The following VIT variants were observed in gnomAD, a reference collection of about 807,000 sequenced individuals.
The protein encoded by VIT is vitrin.
Under a neutral mutation model 78.0 loss-of-function variants are expected in VIT, and 99 were observed. That is an observed-to-expected ratio of 1.27 (90% CI 1.08 to 1.50). The LOEUF is 1.50. VIT is among the 40% of genes most tolerant of loss of function. The pLI, the probability that VIT is intolerant of heterozygous loss-of-function variation, is 0.00. For missense variants in VIT, 1,126 were observed against 875.3 expected (o/e 1.29, Z -3.61); for synonymous variants, 374 against 334.3 (o/e 1.12, Z -1.29).
intron 1 of VIT, among the ~76,000 whole-genome samples, chr2:36,702,404 G>T (rs1445391183): frequency 8.6e-6 from 1 of 115,962 alleles, no homozygotes; most frequent in East Asian, 2.5e-4. Context: ...AAGCTCAGAG[G>T]ATTTTTTTTT....
At chr2:36,717,382 GTGTGTGTGTGTGTT>G (rs1666228177) in intron 2 of VIT, among the ~76,000 whole-genome samples, 1 of 140,990 alleles carries the variant, frequency 7.1e-6, no homozygotes, top group African/African-American at 2.8e-5. Flanking sequence ...GTGTGTGTGT[GTGTGTGTGTGTGTT>G]TAGTAGAGAT....
chr2:36,807,302 A>G (rs564340682), intron 14 of VIT, among the ~76,000 whole-genome samples: 1 of 152,048 alleles, frequency 6.6e-6, no homozygotes, highest in African/African-American at 2.4e-5. Flanking sequence ...TGCAGTCCCA[A>G]CCTACTCTCC....
intron 13 of VIT, among the ~76,000 whole-genome samples, chr2:36,803,914 T>G (rs545130346): frequency 6.6e-6 from 1 of 152,188 alleles, no homozygotes; most frequent in Non-Finnish European, 1.5e-5. Flanking sequence ...TCAAGTGCCC[T>G]GGGGTTCACA....
Position 36,808,557 on chromosome 2 carries a change from G to C in VIT, c.1475G>C (p.Arg492Pro). Residue 492 changes from arginine to proline, a missense_variant, in exon 15 of 16, where the codon CGG (arginine) becomes CCG (proline). Coordinates refer to ENST00000379242, the MANE Select transcript of VIT (RefSeq NM_053276.4). Reference protein sequence around the residue: ...LHKTLQPLVKRVCDTDRLACS... With the variant: ...LHKTLQPLVKPVCDTDRLACS... The stretch of plus-strand genomic sequence containing the variant: ...AAGACCCTGCAGCCTCTGGTGAAGC[G>C]GGTCTGCGACACTGACCGCCTGGCC... 6.2e-7 allele frequency: 1 copy of C among 1,614,108 alleles called. No individual in the cohort carries two copies. The highest frequency in any genetic ancestry group is 8.5e-7 in the Non-Finnish European group (1 of 1,180,040).
In VIT at chr2:36,783,356, A is replaced by G. The variant is rs780350407; in HGVS notation, c.864A>G (p.Glu288=). The change falls in exon 11 of 16, where the codon GAA becomes GAG. Residue 288 remains glutamate (E), a synonymous_variant. Coordinates refer to ENST00000379242, the MANE Select transcript of VIT (RefSeq NM_053276.4). ...VLLDEGLVPK[E]ELSTQSLEPV... ...TCTTTCCAGGACTTGTTCCAAAAGAAGAATTGAGCACACAGTCTTTGGAGC... is the reference window on the plus strand; with the variant it reads ...TCTTTCCAGGACTTGTTCCAAAAGAGGAATTGAGCACACAGTCTTTGGAGC... 1.9e-6 allele frequency: 3 copies of G among 1,614,042 alleles called. No homozygotes were observed. The highest frequency in any genetic ancestry group is 3.3e-5 in the Admixed American group (2 of 59,998).
chr2:36,709,959 C>G (rs550222647), intron 1 of VIT, among the ~76,000 whole-genome samples: 1 of 152,280 alleles, frequency 6.6e-6, no homozygotes, highest in South Asian at 2.1e-4. Flanking sequence ...CTTTAGGAAG[C>G]TGATCCTTTC....
At chr2:36,771,546 AAAAG>A (rs1261433600) in intron 7 of VIT, among the ~76,000 whole-genome samples, 4 of 151,478 alleles carry the variant, frequency 2.6e-5, no homozygotes, top group African/African-American at 9.7e-5. Flanking sequence ...AAGAAAAAGA[AAAAG>A]AAAAAAAAAA....
At chr2:36,747,451 T>C (rs1668205655) in intron 4 of VIT, among the ~76,000 whole-genome samples, 1 of 152,202 alleles carries the variant, frequency 6.6e-6, no homozygotes, top group Admixed American at 6.5e-5. Context: ...GGACTAGAAG[T>C]ACTTGTTTTA....
intron 11 of VIT, among the ~76,000 whole-genome samples, chr2:36,784,254 C>T (rs1235183475): frequency 1.3e-5 from 2 of 152,184 alleles, no homozygotes; most frequent in East Asian, 1.9e-4. Context: ...AGTCAGCCAC[C>T]AATGGACAGT....
intron 4 of VIT, among the ~76,000 whole-genome samples, chr2:36,753,363 T>G (rs1668580546): frequency 7.3e-6 from 1 of 136,616 alleles, no homozygotes; most frequent in African/African-American, 2.5e-5. Flanking sequence ...CCCCTGAACT[T>G]AAAATAAAAG....
In VIT at chr2:36,814,425, C is replaced by A; in HGVS notation, c.*64C>A. ...TAACTGACGTGTTGGACCACCCCAC[C>A]GCTTAATGGGGCACGCACGGTGCAT... On this transcript the variant is annotated 3_prime_UTR_variant, in exon 16 of 16. Coordinates refer to ENST00000379242, the MANE Select transcript of VIT (RefSeq NM_053276.4). The A allele has an allele frequency of 1.9e-6, 3 of 1,581,154 alleles. No homozygotes were observed. Among genetic ancestry groups the A allele is most frequent in the African/African-American group, 1.3e-5 (1 of 74,560 alleles).
chr2:36,765,937 C>T (rs1280391501), intron 6 of VIT, among the ~76,000 whole-genome samples: 1 of 152,238 alleles, frequency 6.6e-6, no homozygotes, highest in African/African-American at 2.4e-5. Context: ...TACACAGGGA[C>T]AGAAGCTGGC....
At position 36,713,154 on chromosome 2, in the gene VIT, G is replaced by A. The variant is rs1038503460; in HGVS notation, c.-18-3199G>A. Among the ~76,000 whole-genome samples the A allele has an allele frequency of 6.6e-5, 10 of 152,314 alleles. No homozygotes were observed. In the East Asian group the frequency reaches 1.5e-3, roughly 23 times the overall value. On this transcript the variant is annotated intron_variant, in intron 1 of 15. Coordinates refer to ENST00000379242, the MANE Select transcript of VIT (RefSeq NM_053276.4). The stretch of plus-strand genomic sequence containing the variant: ...TATATTCATTGGTGGTGGGTGAGGT[G>A]GGAGGAGGATTGTGATTTTAAATTG...
chr2:36,780,808 G>C (rs1328180541), intron 9 of VIT, among the ~76,000 whole-genome samples: 1 of 152,038 alleles, frequency 6.6e-6, no homozygotes, highest in Non-Finnish European at 1.5e-5. Flanking sequence ...TAGAGAAGGA[G>C]GGAGGGTGGG....
chr2:36,810,342 G>C (rs946050979), intron 15 of VIT, among the ~76,000 whole-genome samples: 2 of 152,118 alleles, frequency 1.3e-5, no homozygotes, highest in African/African-American at 4.8e-5. Flanking sequence ...ATTTCTAAGA[G>C]GGCAACAAAA....
intron 1 of VIT, among the ~76,000 whole-genome samples, chr2:36,698,072 C>A (rs1448883372): frequency 6.6e-6 from 1 of 152,094 alleles, no homozygotes; most frequent in Non-Finnish European, 1.5e-5. Flanking sequence ...TGGAAGTGCC[C>A]ATCTTTTATT....
intron 1 of VIT, among the ~76,000 whole-genome samples, chr2:36,714,938 G>T (rs1465482428): frequency 6.6e-6 from 1 of 152,150 alleles, no homozygotes; most frequent in Non-Finnish European, 1.5e-5. Context: ...AGAAAGATGA[G>T]AAACTCCCTT....
intron 4 of VIT, among the ~76,000 whole-genome samples, chr2:36,743,670 C>G (rs755261221): frequency 6.6e-6 from 1 of 152,130 alleles, no homozygotes; most frequent in Middle Eastern, 3.2e-3. Context: ...TTAAATAGTT[C>G]ATCAAATTTG....
intron 7 of VIT, among the ~76,000 whole-genome samples, chr2:36,772,000 T>A (rs1021197518): frequency 2.0e-5 from 3 of 152,214 alleles, no homozygotes; most frequent in African/African-American, 7.2e-5. Context: ...TATGCCAGAA[T>A]TGTATACCAG....
Sources: gnomAD v4.1 joint callset for allele counts (sites outside exome capture counted in the v4.1 genomes callset) on GRCh38, gnomAD v4.1.1 for gene constraint, MANE v1.5 for transcripts, NCBI Gene and HGNC (gene_info 2026-07-23, HGNC 2026-07-21) for gene names.